The following ERICH2 variants were observed in gnomAD, a reference collection of about 807,000 sequenced individuals.
ERICH2 encodes the protein glutamate rich 2.
In ERICH2, 17 loss-of-function variants were observed where a neutral mutation model predicts 17.4. That is an observed-to-expected ratio of 0.98 (90% CI 0.67 to 1.47). ERICH2 has a LOEUF of 1.47. Ranked by LOEUF, ERICH2 falls within the 40% of genes most tolerant of loss-of-function variation. The pLI is 0.00. For synonymous variants in ERICH2, 51 were observed against 61.1 expected, an observed-to-expected ratio of 0.83 and a Z score of 0.77; for missense variants, 186 against 183.2, an observed-to-expected ratio of 1.01 and a Z score of -0.09.
At chr2:170,772,515 C>T in the ERICH2 span, among the ~76,000 whole-genome samples, 1 of 152,192 alleles carries the variant, frequency 6.6e-6, no homozygotes, top group Non-Finnish European at 1.5e-5. Flanking sequence ...CTCAAGGTCA[C>T]ACAGTTTACT....
the ERICH2 span, among the ~76,000 whole-genome samples, chr2:170,771,882 C>G: frequency 6.6e-6 from 1 of 152,174 alleles, no homozygotes; most frequent in Admixed American, 6.5e-5. The surrounding 1 kb of genome is among the most constrained non-coding windows in gnomAD (Gnocchi z 4.8). Flanking sequence ...GCATAGGTGT[C>G]TTGGCTGAAT....
the ERICH2 span, chr2:170,778,231 T>C: frequency 6.6e-6 from 1 of 152,226 alleles, no homozygotes; most frequent in African/African-American, 2.4e-5. Context: ...TTCAAGGCTC[T>C]GATTCTGATA....
At chr2:170,791,384 A>G (rs895865856) in intron 2 of ERICH2, among the ~76,000 whole-genome samples, 1 of 152,264 alleles carries the variant, frequency 6.6e-6, no homozygotes, top group Non-Finnish European at 1.5e-5. Context: ...TTAATTTCAG[A>G]GAAGTGTCAG....
chr2:170,795,166 A>C (rs145518109), intron 3 of ERICH2, among the ~76,000 whole-genome samples: 327 of 151,846 alleles, frequency 2.2e-3, no homozygotes, highest in African/African-American at 7.7e-3. Flanking sequence ...TTTTGTAGAG[A>C]TGAGTTTTGC....
chr2:170,784,101 G>T (rs1701089296), intron 1 of ERICH2, among the ~76,000 whole-genome samples: 1 of 151,902 alleles, frequency 6.6e-6, no homozygotes, highest in Non-Finnish European at 1.5e-5. Context: ...AGTAGCTCAT[G>T]GCTACCTTCC....
upstream of ERICH2, among the ~76,000 whole-genome samples, chr2:170,783,447 GC>G (rs1701076407): frequency 1.3e-5 from 2 of 152,278 alleles, no homozygotes; most frequent in South Asian, 4.1e-4. Context: ...TACTCAGGAG[GC>G]TAAGGCACAA....
chr2:170,790,205 A>G (rs1701253773), intron 2 of ERICH2, among the ~76,000 whole-genome samples: 1 of 152,280 alleles, frequency 6.6e-6, no homozygotes, highest in Non-Finnish European at 1.5e-5. Flanking sequence ...AAAATAAAAA[A>G]TAAACTTCAG....
At chr2:170,796,438 T>TTTTG (rs1250467648) in intron 3 of ERICH2, among the ~76,000 whole-genome samples, 2 of 27,494 alleles carry the variant, frequency 7.3e-5, no homozygotes, top group East Asian at 6.3e-3. Flanking sequence ...GTTTTTTTTT[T>TTTTG]TGTTTTTTTT....
At chr2:170,779,486 G>A (rs1190664264), upstream of ERICH2, among the ~76,000 whole-genome samples, 3 of 152,152 alleles carry the variant, frequency 2.0e-5, no homozygotes, top group African/African-American at 7.2e-5. Flanking sequence ...GAAATCCTAT[G>A]TGGGAAAGAT....
the ERICH2 span, among the ~76,000 whole-genome samples, chr2:170,773,748 C>T: frequency 6.6e-6 from 1 of 151,914 alleles, no homozygotes; most frequent in Non-Finnish European, 1.5e-5. Context: ...TTTTTAGAGA[C>T]AGAGTCCCAC....
chr2:170,796,711 A>G (rs1701433271), intron 3 of ERICH2, among the ~76,000 whole-genome samples: 1 of 152,144 alleles, frequency 6.6e-6, no homozygotes, highest in African/African-American at 2.4e-5. Context: ...TGCTGGGATT[A>G]CAAGTGTGAG....
chr2:170,781,412 G>T (rs1701025425), upstream of ERICH2, among the ~76,000 whole-genome samples: 1 of 152,020 alleles, frequency 6.6e-6, no homozygotes, highest in Non-Finnish European at 1.5e-5. Context: ...GAGGTGGGTG[G>T]ATCACAAGGT....
intron 2 of ERICH2, among the ~76,000 whole-genome samples, chr2:170,789,736 T>A (rs565919937): frequency 6.6e-6 from 1 of 152,308 alleles, no homozygotes; most frequent in East Asian, 1.9e-4. Context: ...ACAAGGGAAA[T>A]TGATTCCATA....
the ERICH2 span, chr2:170,770,742 C>G: frequency 6.4e-6 from 1 of 155,160 alleles, no homozygotes; most frequent in Non-Finnish European, 1.5e-5. Context: ...AACCGGTGCG[C>G]GTGCGCACGT....
At chr2:170,798,071 C>G (rs1412177624) in exon 4 of ERICH2, 2 of 1,549,164 alleles carry the variant, frequency 1.3e-6, no homozygotes, top group African/African-American at 2.7e-5. Flanking sequence ...AATCCTGAGG[C>G]CAAGGAGTTT....
At chr2:170,786,735 T>G (rs116733844) in intron 2 of ERICH2, among the ~76,000 whole-genome samples, 1 of 152,132 alleles carries the variant, frequency 6.6e-6, no homozygotes, top group Non-Finnish European at 1.5e-5. Flanking sequence ...TCTCTTCAGG[T>G]TTATAATCTT....
chr2:170,777,739 A>G, the ERICH2 span: 1 of 1,086,208 alleles, frequency 9.2e-7, no homozygotes, highest in African/African-American at 1.6e-5. Flanking sequence ...AGCAATTAGA[A>G]CTAGATAATG....
intron 1 of ERICH2, chr2:170,783,995 GT>G: frequency 7.6e-7 from 1 of 1,320,880 alleles, no homozygotes; most frequent in Non-Finnish European, 1.1e-6. Flanking sequence ...TTTTTTTGTT[GT>G]TGTTGTTCTG....
chr2:170,797,989 T>C (rs1701470140), intron 3 of ERICH2, 52 bp from the exon 9 acceptor site: 3 of 1,272,370 alleles, frequency 2.4e-6, no homozygotes, highest in Middle Eastern at 3.6e-4. Flanking sequence ...GCCTGTTTGC[T>C]GCAACACTGA....
Sources: gnomAD v4.1 joint callset for allele counts (sites outside exome capture counted in the v4.1 genomes callset) on GRCh38, gnomAD v4.1.1 for gene constraint, Gnocchi (gnomAD v3.1) non-coding constraint, MANE v1.5 for transcripts, NCBI Gene and HGNC (gene_info 2026-07-23, HGNC 2026-07-21) for gene names.